Variants in ANXA8 observed in about 807,000 individuals in gnomAD.
ANXA8 encodes the protein VAC-beta.
A neutral mutation model predicts 26.8 loss-of-function variants in ANXA8; 9 were observed. The observed-to-expected ratio is 0.34, with a 90% CI of 0.20 to 0.59. The LOEUF is 0.59. Ranked by LOEUF, ANXA8 falls within the 20% of genes least tolerant of loss-of-function variation. The pLI, the probability that ANXA8 is intolerant of heterozygous loss-of-function variation, is 0.84. For synonymous variants in ANXA8, 39 were observed against 94.8 expected (o/e 0.41, Z 3.42); for missense variants, 83 against 238.5 (o/e 0.35, Z 4.29).
At chr10:47,498,947 C>CA in the ANXA8 span, among the ~76,000 whole-genome samples, 1 of 124,478 alleles carries the variant, frequency 8.0e-6, no homozygotes, top group Non-Finnish European at 1.6e-5. Context: ...ACTAAAAATA[C>CA]AAAAATTAGC....
At chr10:47,582,026 A>G in the ANXA8 span, among the ~76,000 whole-genome samples, 4 of 150,216 alleles carry the variant, frequency 2.7e-5, no homozygotes, top group East Asian at 7.7e-4. Context: ...TTCCAAGCTG[A>G]GACACAACAA....
At chr10:47,946,756 G>A in the ANXA8 span, among the ~76,000 whole-genome samples, 6 of 151,416 alleles carry the variant, frequency 4.0e-5, no homozygotes, top group Admixed American at 3.3e-4. Flanking sequence ...GCAGTGGCAT[G>A]ACTTCAGCTC....
chr10:47,593,381 G>A, the ANXA8 span, among the ~76,000 whole-genome samples: 13 of 149,640 alleles, frequency 8.7e-5, no homozygotes, highest in African/African-American at 2.8e-4. Flanking sequence ...ATTATGTCTC[G>A]CCTCCATCTC....
At chr10:47,778,375 A>T in the ANXA8 span, among the ~76,000 whole-genome samples, 2 of 147,738 alleles carry the variant, frequency 1.4e-5, no homozygotes, top group Non-Finnish European at 3.0e-5. Context: ...CCTGTATGTT[A>T]TATCTATTCA....
At chr10:47,986,479 C>A in the ANXA8 span, 1 of 268,022 alleles carries the variant, frequency 3.7e-6, no homozygotes, top group Non-Finnish European at 7.4e-6. Context: ...TTTTTTCTCA[C>A]GGCTTAAGTC....
chr10:47,559,285 C>A, the ANXA8 span, among the ~76,000 whole-genome samples: 2 of 150,928 alleles, frequency 1.3e-5, no homozygotes, highest in Non-Finnish European at 2.9e-5. Context: ...TGCCACCACA[C>A]CCAGCTAATT....
At chr10:47,944,859 C>T in the ANXA8 span, among the ~76,000 whole-genome samples, 2 of 144,612 alleles carry the variant, frequency 1.4e-5, no homozygotes, top group Non-Finnish European at 3.0e-5. Flanking sequence ...GCCTGGGCCC[C>T]ACCCACCCCC....
chr10:47,557,055 G>A, the ANXA8 span, among the ~76,000 whole-genome samples: 1 of 105,680 alleles, frequency 9.5e-6, no homozygotes, highest in Non-Finnish European at 1.7e-5. Context: ...CACCCAGGCT[G>A]AAGTGCAGTG....
chr10:47,744,438 A>AAGGGGGGGGGGGGGGGGGGGGGGGG, the ANXA8 span, among the ~76,000 whole-genome samples: 1 of 15,062 alleles, frequency 6.6e-5, no homozygotes, highest in Non-Finnish European at 1.1e-4. Context: ...GGGAGGGGGG[A>AAGGGGGGGGGGGGGGGGGGGGGGGG]AGAGGGGGGG....
At chr10:47,695,190 T>C in the ANXA8 span, among the ~76,000 whole-genome samples, 8 of 151,512 alleles carry the variant, frequency 5.3e-5, no homozygotes, top group African/African-American at 1.7e-4. Context: ...CACTGTTTTT[T>C]AGTAAGTCAC....
the ANXA8 span, among the ~76,000 whole-genome samples, chr10:47,585,363 T>C: frequency 1.4e-5 from 2 of 142,356 alleles, no homozygotes; most frequent in East Asian, 4.0e-4. Flanking sequence ...GTGAGTTCTA[T>C]ACTAGACTCT....
the ANXA8 span, among the ~76,000 whole-genome samples, chr10:47,581,806 C>T: frequency 5.3e-5 from 8 of 150,686 alleles, no homozygotes; most frequent in African/African-American, 1.5e-4. Context: ...GGGGTTTCAC[C>T]GTGTTAGCCA....
At chr10:47,898,839 T>TTTTTTTTTTA in the ANXA8 span, among the ~76,000 whole-genome samples, 1 of 137,104 alleles carries the variant, frequency 7.3e-6, no homozygotes, top group Non-Finnish European at 1.5e-5. Flanking sequence ...TTTTTTTTTT[T>TTTTTTTTTTA]TTTAGATGTG....
the ANXA8 span, among the ~76,000 whole-genome samples, chr10:47,616,249 T>A: frequency 2.7e-5 from 2 of 74,160 alleles, 1 homozygote; most frequent in Admixed American, 2.9e-4. Flanking sequence ...TTTTTTTTTT[T>A]AATAATCTGA....
the ANXA8 span, among the ~76,000 whole-genome samples, chr10:47,962,853 GGTA>G: frequency 9.9e-6 from 1 of 101,448 alleles, no homozygotes; most frequent in Middle Eastern, 6.7e-3. Context: ...GGGACATGTA[GGTA>G]GTCCCTGGGG....
At chr10:47,490,616 C>A in the ANXA8 span, among the ~76,000 whole-genome samples, 3 of 150,856 alleles carry the variant, frequency 2.0e-5, no homozygotes, top group Non-Finnish European at 4.4e-5. Flanking sequence ...GCAAGTCTAG[C>A]AAGCCCTGCC....
the ANXA8 span, among the ~76,000 whole-genome samples, chr10:47,699,127 T>A: frequency 4.6e-5 from 7 of 151,588 alleles, no homozygotes; most frequent in African/African-American, 1.7e-4. Flanking sequence ...TGGGCGGATC[T>A]CTTGAGGCCA....
chr10:47,556,279 CTT>C, the ANXA8 span, among the ~76,000 whole-genome samples: 2 of 151,914 alleles, frequency 1.3e-5, no homozygotes, highest in African/African-American at 4.8e-5. Flanking sequence ...CTCTTCCTCT[CTT>C]AAGACCCATC....
chr10:47,900,827 T>C, the ANXA8 span, among the ~76,000 whole-genome samples: 1 of 150,094 alleles, frequency 6.7e-6, no homozygotes, highest in South Asian at 2.1e-4. Flanking sequence ...TCCAAGATTG[T>C]GAGTATACAC....
Sources: allele counts gnomAD v4.1 joint callset (sites outside exome capture counted in the v4.1 genomes callset), GRCh38; gene constraint gnomAD v4.1.1; transcripts MANE v1.5; gene names NCBI Gene and HGNC (gene_info 2026-07-23, HGNC 2026-07-21).